Variants in SGCD observed in about 807,000 individuals in gnomAD.
SGCD encodes the protein delta-sarcoglycan.
A neutral mutation model predicts 36.6 loss-of-function variants in SGCD; 18 were observed. That is an observed-to-expected ratio of 0.49 (90% CI 0.34 to 0.73). SGCD has a LOEUF of 0.73. SGCD is among the 30% of genes least tolerant of loss of function. SGCD has a pLI of 0.01. For missense variants in SGCD, 387 were observed against 346.7 expected, an observed-to-expected ratio of 1.12 and a Z score of -0.92; for synonymous variants, 133 against 130.6, an observed-to-expected ratio of 1.02 and a Z score of -0.12.
At chr5:155,823,639 C>A in the SGCD span, among the ~76,000 whole-genome samples, 1 of 152,262 alleles carries the variant, frequency 6.6e-6, no homozygotes, top group Middle Eastern at 3.4e-3. Flanking sequence ...TGTGCATTAG[C>A]ATAGGGTTCT....
intron 1 of SGCD, among the ~76,000 whole-genome samples, chr5:155,970,082 C>G (rs894107500): frequency 6.6e-6 from 1 of 151,986 alleles, no homozygotes; most frequent in African/African-American, 2.4e-5. Context: ...CAGGCCTTTC[C>G]AAGACAGAAC....
At chr5:156,197,687 T>G (rs1164411502) in intron 3 of SGCD, among the ~76,000 whole-genome samples, 1 of 152,114 alleles carries the variant, frequency 6.6e-6, no homozygotes, top group Non-Finnish European at 1.5e-5. Context: ...CAAATCTTAA[T>G]TACATGTGAT....
intron 3 of SGCD, among the ~76,000 whole-genome samples, chr5:156,212,167 G>A (rs1364045204): frequency 6.6e-6 from 1 of 152,144 alleles, no homozygotes; most frequent in African/African-American, 2.4e-5. Context: ...ACCTATCGAT[G>A]ACTACCTTGA....
intron 3 of SGCD, among the ~76,000 whole-genome samples, chr5:156,177,225 C>A (rs1447720164): frequency 1.3e-5 from 2 of 152,250 alleles, no homozygotes; most frequent in Admixed American, 1.3e-4. Context: ...TGATCTCGAT[C>A]TCTTGACCTC....
chr5:155,819,603 G>C, the SGCD span, among the ~76,000 whole-genome samples: 1 of 152,128 alleles, frequency 6.6e-6, no homozygotes, highest in Non-Finnish European at 1.5e-5. Flanking sequence ...AGAATGCTGA[G>C]GTATAGATAT....
At chr5:156,538,261 G>T (rs530462565) in intron 4 of SGCD, among the ~76,000 whole-genome samples, 2 of 152,232 alleles carry the variant, frequency 1.3e-5, no homozygotes, top group South Asian at 4.1e-4. Flanking sequence ...TGCAATGAAA[G>T]GATGTTGTTT....
At chr5:156,108,292 G>A (rs2127598509) in intron 1 of SGCD, among the ~76,000 whole-genome samples, 1 of 152,194 alleles carries the variant, frequency 6.6e-6, no homozygotes, top group East Asian at 1.9e-4. Flanking sequence ...TGGCAGTAAA[G>A]TATCTTAGCA....
intron 1 of SGCD, among the ~76,000 whole-genome samples, chr5:156,046,314 T>C (rs1759764268): frequency 6.6e-6 from 1 of 152,016 alleles, no homozygotes; most frequent in South Asian, 2.1e-4. Context: ...GCCAAGTAGA[T>C]TTTTTGTTTT....
chr5:155,997,256 A>G (rs1758572269), intron 1 of SGCD, among the ~76,000 whole-genome samples: 1 of 152,246 alleles, frequency 6.6e-6, no homozygotes, highest in Non-Finnish European at 1.5e-5. Context: ...CACACATAAG[A>G]AAGCTGATAT....
chr5:156,583,427 G>A (rs532898408), intron 4 of SGCD, among the ~76,000 whole-genome samples: 2 of 152,232 alleles, frequency 1.3e-5, no homozygotes, highest in South Asian at 2.1e-4. Flanking sequence ...ACCCCTGCCA[G>A]TTCTCAAAAT....
the SGCD span, among the ~76,000 whole-genome samples, chr5:155,816,514 C>T: frequency 0.054 from 8,165 of 152,106 alleles, 501 homozygotes; most frequent in African/African-American, 0.15. Context: ...AGGAGAGTTT[C>T]GTCTTGTTGT....
intron 6 of SGCD, among the ~76,000 whole-genome samples, chr5:156,626,149 A>G (rs1001461649): frequency 6.6e-6 from 1 of 152,184 alleles, no homozygotes; most frequent in African/African-American, 2.4e-5. Context: ...ATCTGGCCCT[A>G]TGCAGTAGGG....
At chr5:156,256,049 C>T (rs903843878) in intron 3 of SGCD, among the ~76,000 whole-genome samples, 6 of 152,172 alleles carry the variant, frequency 3.9e-5, no homozygotes, top group African/African-American at 1.4e-4. Context: ...TCTAAATATG[C>T]TTTTAGTTTT....
Position 156,591,671 on chromosome 5 carries a change from C to A in SGCD, c.382+2353C>A, listed in dbSNP as rs567400327. On this transcript the variant is annotated intron_variant, in intron 5 of 8. Transcript: ENST00000337851. ...GGAGATTAATTAAGGAGGCACTCCA[C>A]ACATAGACTACACAGAGGGGGATTA... Among the ~76,000 whole-genome samples, 3 of 151,974 alleles carry A rather than the reference C, an allele frequency of 2.0e-5. No individual in the cohort carries two copies. The East Asian group carries it at 5.8e-4, about 30-fold the overall frequency.
intron 3 of SGCD, among the ~76,000 whole-genome samples, chr5:156,435,853 A>G (rs1245193898): frequency 1.3e-5 from 2 of 152,202 alleles, no homozygotes; most frequent in African/African-American, 2.4e-5. Context: ...CTGGATTGGG[A>G]CAGGGAGAAA....
At chr5:155,955,399 A>G (rs2113439212) in intron 1 of SGCD, among the ~76,000 whole-genome samples, 1 of 152,254 alleles carries the variant, frequency 6.6e-6, no homozygotes, top group African/African-American at 2.4e-5. Context: ...AGTATTCTGG[A>G]ACTAGGGTTG....
intron 1 of SGCD, among the ~76,000 whole-genome samples, chr5:156,004,237 C>T (rs1325293298): frequency 6.6e-6 from 1 of 152,076 alleles, no homozygotes; most frequent in Admixed American, 6.5e-5. Flanking sequence ...AATTCTTAAA[C>T]ATCATATTTA....
chr5:156,508,482 C>T, intron 3 of SGCD, 119 bp from the exon 4 acceptor site: 1 of 644,582 alleles, frequency 1.6e-6, no homozygotes. Context: ...TACCCGTCCT[C>T]ATTCCACACC....
chr5:155,903,767 T>C (rs764189921), intron 1 of SGCD, among the ~76,000 whole-genome samples: 1 of 152,178 alleles, frequency 6.6e-6, no homozygotes, highest in Non-Finnish European at 1.5e-5. Flanking sequence ...TAGAGAAAGG[T>C]AAATCCTGGG....
Sources: allele counts gnomAD v4.1 joint callset (sites outside exome capture counted in the v4.1 genomes callset), GRCh38; gene constraint gnomAD v4.1.1; transcripts MANE v1.5; gene names NCBI Gene and HGNC (gene_info 2026-07-23, HGNC 2026-07-21).